Variants in PABPC5 observed in about 807,000 individuals in gnomAD.
The protein encoded by PABPC5 is polyadenylate-binding protein 5.
A neutral mutation model predicts 12.6 loss-of-function variants in PABPC5; 6 were observed. That is an observed-to-expected ratio of 0.48 (90% CI 0.26 to 0.94). The LOEUF (loss-of-function observed/expected upper bound fraction) is 0.94, where lower values mean the gene tolerates loss of function less well. Ranked by LOEUF, PABPC5 falls within the 40% of genes least tolerant of loss-of-function variation. The pLI, the probability that PABPC5 is intolerant of heterozygous loss-of-function variation, is 0.14. For synonymous variants in PABPC5, 124 were observed against 118.4 expected (o/e 1.05, Z -0.31); for missense variants, 244 against 302.8 (o/e 0.81, Z 1.44).
intron 1 of PABPC5, among the ~76,000 whole-genome samples, 173 bp from the exon 2 acceptor site, chrX:91,435,262 G>A (rs1456765255): frequency 8.9e-6 from 1 of 111,874 alleles, no homozygotes; most frequent in African/African-American, 3.3e-5. Context: ...ACAATTTCAC[G>A]GGGACAGGAA....
At position 91,435,909 on chromosome X, in the gene PABPC5, A is replaced by G; in HGVS notation, c.332A>G (p.Lys111Arg). Residue 111 changes from lysine (K) to arginine (R), a missense_variant, in exon 2 of 2, where the codon AAA (lysine) becomes AGA (arginine). Physicochemically the swap from Lys to Arg is conservative, Grantham distance 26 (BLOSUM62 2). Around this residue, in one of 3 missense-constraint regions of PABPC5, gnomAD observed 211 missense variants for 261.5 expected, o/e 0.81. Transcript: ENST00000312600. Reference protein sequence around the residue: ...RKSGVGNIFIKNLDKSIDNRA... With the variant: ...RKSGVGNIFIRNLDKSIDNRA... ...TCTGGAGTGGGAAATATATTCATCA[A>G]AAACCTGGACAAATCCATAGACAAT... The G allele has an allele frequency of 8.3e-7, 1 of 1,211,798 alleles. No homozygotes were observed. The highest frequency in any genetic ancestry group is 1.7e-5 in the African/African-American group (1 of 57,914).
rs748424071 is a variant in PABPC5, at chrX:91,436,742, G to C, written c.*16G>C. 1 of 1,186,863 alleles carries C rather than the reference G, an allele frequency of 8.4e-7. No homozygotes were observed. Among genetic ancestry groups the C allele is most frequent in the South Asian group, 1.9e-5 (1 of 53,154 alleles). On this transcript the variant is annotated 3_prime_UTR_variant, in exon 2 of 2. Coordinates refer to ENST00000312600, the MANE Select transcript of PABPC5 (RefSeq NM_080832.3). ...CAGGTGCTGAGAATAAGAATGCTCA[G>C]TTTGTTTCAGCCTTAGTTGGTGCCT...
Position 91,436,235 on chromosome X carries a change from T to C in PABPC5, c.658T>C (p.Cys220Arg). The C allele has an allele frequency of 8.3e-7, 1 of 1,211,687 alleles. No individual in the cohort carries two copies. Among genetic ancestry groups the C allele is most frequent in the Non-Finnish European group, 1.1e-6 (1 of 895,484 alleles). ...TGACGAAAAACTGAAGGAACTTTTC[T>C]GTGAATATGGGCCAACTGAGAGTGT... ...IDDEKLKELF[C>R]EYGPTESVKV... The change falls in exon 2 of 2, where the codon TGT becomes CGT. Residue 220 changes from cysteine to arginine, a missense_variant. Cys to Arg is a radical substitution (Grantham distance 180). Around this residue, in one of 3 missense-constraint regions of PABPC5, gnomAD observed 211 missense variants for 261.5 expected, o/e 0.81. Coordinates refer to ENST00000312600, the MANE Select transcript of PABPC5 (RefSeq NM_080832.3).
Position 91,436,844 on chromosome X carries a change from GA to G in PABPC5, c.*127del, listed in dbSNP as rs372478379. On this transcript the variant is annotated 3_prime_UTR_variant, in exon 2 of 2. Coordinates refer to ENST00000312600, the MANE Select transcript of PABPC5 (RefSeq NM_080832.3). ...GTTTTTTTTTGAAGTGAATTCTTTT[GA>G]AAAAAAAATGCAAAACTAGAAAACT... 2,212 of 629,084 alleles carry G rather than the reference GA, an allele frequency of 3.5e-3. 35 individuals carry two copies. In the African/African-American group the frequency reaches 0.044, roughly 12 times the overall value. The allele number at this position is 629,084 out of a possible 1,213,427, so 51.8% of individuals were successfully genotyped here.
chrX:91,436,952 C>A lies in PABPC5; in HGVS notation c.*226C>A, dbSNP rs1931613865. 1 of 372,109 alleles carries A rather than the reference C, an allele frequency of 2.7e-6. No individual in the cohort carries two copies. Among genetic ancestry groups the A allele is most frequent in the African/African-American group, 2.6e-5 (1 of 38,359 alleles). The allele number at this position is 372,109 out of a possible 1,213,427, so 30.7% of individuals were successfully genotyped here. A position where few individuals can be genotyped will look rare whatever the true frequency, so the allele number is the denominator to read the frequency against. On this transcript the variant is annotated 3_prime_UTR_variant, in exon 2 of 2. Transcript: ENST00000312600. The stretch of plus-strand genomic sequence containing the variant: ...TTTTTGATGTAATATCCTTAGAAAT[C>A]TGTAGAATAAAGTGTATTCCTCCAC...
At position 91,436,253 on chromosome X, in the gene PABPC5, G is replaced by A. The variant is rs1931600717; in HGVS notation, c.676G>A (p.Glu226Lys). 8.3e-7 allele frequency: 1 copy of A among 1,211,679 alleles called. No individual in the cohort carries two copies. Among genetic ancestry groups the A allele is most frequent in the South Asian group, 1.8e-5 (1 of 56,990 alleles). Residue 226 changes from glutamate (E) to lysine (K), a missense_variant, in exon 2 of 2, where the codon GAG becomes AAG. Physicochemically the swap from Glu to Lys is moderately conservative, Grantham distance 56. Transcript: ENST00000312600. Reference sequence around the variant, plus strand: ...ACTTTTCTGTGAATATGGGCCAACTGAGAGTGTTAAAGTAATAAGAGATGC... The same window carrying A: ...ACTTTTCTGTGAATATGGGCCAACTAAGAGTGTTAAAGTAATAAGAGATGC... ...KELFCEYGPT[E>K]SVKVIRDASG... is the part of the protein sequence containing the mutation.
rs1218689352 is a variant in PABPC5 at position 91,435,591 on chromosome X, A to C, written c.14A>C (p.Glu5Ala). The change falls in exon 2 of 2, where the codon GAG (glutamate) becomes GCG (alanine). Residue 5 changes from glutamate (E) to alanine (A), a missense_variant. Around this residue, in one of 3 missense-constraint regions of PABPC5, gnomAD observed 29 missense variants for 20.5 expected, o/e 1.41. Transcript: ENST00000312600. ...GTGCTCAGAGAGATGGGGAGCGGGG[A>C]GCCTAATCCTGCTGGCAAGAAAAAG... MGSG[E>A]PNPAGKKKKY... is the part of the protein sequence containing the mutation. 8.3e-7 allele frequency: 1 copy of C among 1,202,042 alleles called. No individual in the cohort carries two copies. Among genetic ancestry groups the C allele is most frequent in the Admixed American group, 2.2e-5 (1 of 45,093 alleles).
intron 1 of PABPC5, 175 bp downstream of exon 1, chrX:91,435,069 A>T (rs1488442959): frequency 8.8e-6 from 1 of 113,744 alleles, no homozygotes; most frequent in East Asian, 2.8e-4. Flanking sequence ...CCTTAGCGAA[A>T]GGCTAGCCAG....
chrX:91,435,497 G>A lies in PABPC5; in HGVS notation c.-81G>A, dbSNP rs1931581974. On this transcript the variant is annotated 5_prime_UTR_variant, in exon 2 of 2. The change creates a new upstream start codon in the 5' untranslated region. Coordinates refer to ENST00000312600, the MANE Select transcript of PABPC5 (RefSeq NM_080832.3). Reference sequence around the variant, plus strand: ...TTGCCTGCCTTGGCTTTTTCTGTTCGTGAACAGCTGTTTGGCCCATAGCTT... The same window carrying A: ...TTGCCTGCCTTGGCTTTTTCTGTTCATGAACAGCTGTTTGGCCCATAGCTT... The A allele has an allele frequency of 1.0e-6, 1 of 964,213 alleles. No individual in the cohort carries two copies. Among genetic ancestry groups the A allele is most frequent in the Non-Finnish European group, 1.4e-6 (1 of 712,153 alleles). The allele number at this position is 964,213 out of a possible 1,213,427, so 79.5% of individuals were successfully genotyped here. A position where few individuals can be genotyped will look rare whatever the true frequency, so the allele number is the denominator to read the frequency against.
chrX:91,434,962 C>G (rs1321555424), intron 1 of PABPC5, 68 bp downstream of exon 1: 2 of 111,963 alleles, frequency 1.8e-5, no homozygotes, highest in Non-Finnish European at 3.8e-5. Flanking sequence ...GTCTGTCTGT[C>G]TGTCTCTGTG....
At position 91,437,906 on chromosome X, in the gene PABPC5, C is replaced by G. The variant is rs1931628778; in HGVS notation, c.*1180C>G. 1 of 120,530 alleles carries G rather than the reference C, an allele frequency of 8.3e-6. No individual in the cohort carries two copies. Among genetic ancestry groups the G allele is most frequent in the Non-Finnish European group, 1.9e-5 (1 of 52,500 alleles). The allele number at this position is 120,530 out of a possible 1,213,427, so 9.9% of individuals were successfully genotyped here. On this transcript the variant is annotated 3_prime_UTR_variant, in exon 2 of 2. Transcript: ENST00000312600. Reference sequence around the variant, plus strand: ...CGTTACATTTATTAGCCTGTAATTTCTAAATTGGAGATTCTCTACATTTCA... The same window carrying G: ...CGTTACATTTATTAGCCTGTAATTTGTAAATTGGAGATTCTCTACATTTCA...
At position 91,434,909 on chromosome X, in the gene PABPC5, G is replaced by C. The variant is rs973157096; in HGVS notation, c.-144+15G>C. The C allele has an allele frequency of 9.0e-6, 1 of 111,550 alleles. No homozygotes were observed. 9.2% of individuals were successfully genotyped at this position (111,550 alleles called of 1,213,427 possible). ...CGCCTCACTCGGTCCGTACCCAGTG[G>C]GCATCTTGGGTATCTGGGCGGTCTT... On this transcript the variant is annotated intron_variant, in intron 1 of 1. Coordinates refer to ENST00000312600, the MANE Select transcript of PABPC5 (RefSeq NM_080832.3).
rs1033004971 is a variant in PABPC5 at position 91,437,245 on chromosome X, T to C, written c.*519T>C. 3.2e-5 allele frequency: 4 copies of C among 124,015 alleles called. No homozygotes were observed. Among genetic ancestry groups the C allele is most frequent in the African/African-American group, 1.3e-4 (4 of 30,965 alleles). The allele number at this position is 124,015 out of a possible 1,213,427, so 10.2% of individuals were successfully genotyped here. A position where few individuals can be genotyped will look rare whatever the true frequency, so the allele number is the denominator to read the frequency against. On this transcript the variant is annotated 3_prime_UTR_variant, in exon 2 of 2. Transcript: ENST00000312600. ...TGAAATGTATTTTATTTTCTTTATT[T>C]GTATTCTTGTTTCATTTTTTAATAT...
chrX:91,435,807 A>G lies in PABPC5; in HGVS notation c.230A>G (p.Asn77Ser). ...RFPADAEWALNTMNFDLINGK... is the reference protein window; with the variant it reads ...RFPADAEWALSTMNFDLINGK... ...CCCGCGGATGCAGAGTGGGCCTTGA[A>G]CACCATGAATTTTGATTTGATTAAT... Residue 77 changes from asparagine (N) to serine (S), a missense_variant, in exon 2 of 2, where the codon AAC (asparagine) becomes AGC (serine). Physicochemically the swap from Asn to Ser is conservative, Grantham distance 46 (BLOSUM62 1). Around this residue, in one of 3 missense-constraint regions of PABPC5, gnomAD observed 211 missense variants for 261.5 expected, o/e 0.81. Transcript: ENST00000312600. The G allele has an allele frequency of 2.5e-6, 3 of 1,211,681 alleles. No homozygotes were observed. The highest frequency in any genetic ancestry group is 2.2e-6 in the Non-Finnish European group (2 of 895,439).
Position 91,435,470 on chromosome X carries a change from T to C in PABPC5, c.-108T>C. The C allele has an allele frequency of 1.3e-6, 1 of 771,848 alleles. No individual in the cohort carries two copies. Among genetic ancestry groups the C allele is most frequent in the Non-Finnish European group, 1.8e-6 (1 of 546,829 alleles). 63.6% of individuals were successfully genotyped at this position (771,848 alleles called of 1,213,427 possible). A position where few individuals can be genotyped will look rare whatever the true frequency, so the allele number is the denominator to read the frequency against. ...GATTCTGAGTCTGCTTTTAGCTTCC[T>C]TTTGCCTGCCTTGGCTTTTTCTGTT... On this transcript the variant is annotated 5_prime_UTR_variant, in exon 2 of 2. Coordinates refer to ENST00000312600, the MANE Select transcript of PABPC5 (RefSeq NM_080832.3).
Position 91,435,504 on chromosome X carries a change from G to A in PABPC5, c.-74G>A. 1.0e-6 allele frequency: 1 copy of A among 998,201 alleles called. No homozygotes were observed. 82.3% of individuals were successfully genotyped at this position (998,201 alleles called of 1,213,427 possible). ...CCTTGGCTTTTTCTGTTCGTGAACA[G>A]CTGTTTGGCCCATAGCTTAGAGAAA... On this transcript the variant is annotated 5_prime_UTR_variant, in exon 2 of 2. Transcript: ENST00000312600.
At position 91,436,494 on chromosome X, in the gene PABPC5, T is replaced by G; in HGVS notation, c.917T>G (p.Ile306Ser). Reference protein sequence around the residue: ...KSRPPGVPIYIKNLDETINDE... With the variant: ...KSRPPGVPIYSKNLDETINDE... ...CGGCCCCCAGGGGTGCCTATCTATA[T>G]TAAGAACTTGGATGAGACAATCAAT... The change falls in exon 2 of 2, where the codon ATT becomes AGT. Residue 306 changes from isoleucine (I) to serine (S), a missense_variant. Around this residue, in one of 3 missense-constraint regions of PABPC5, gnomAD observed 211 missense variants for 261.5 expected, o/e 0.81. Transcript: ENST00000312600. 1 of 1,212,048 alleles carries G rather than the reference T, an allele frequency of 8.3e-7. No homozygotes were observed. Among genetic ancestry groups the G allele is most frequent in the Non-Finnish European group, 1.1e-6 (1 of 895,591 alleles).
In PABPC5 at chrX:91,434,853, T is replaced by A. The variant is rs1931567779; in HGVS notation, c.-185T>A. ...GTTTGCCAGTCAGTCTCTCCGGACC[T>A]GCCTCGAGCCTCAGGCTGCTGAAAT... On this transcript the variant is annotated 5_prime_UTR_variant, in exon 1 of 2. Transcript: ENST00000312600. The A allele has an allele frequency of 1.8e-5, 2 of 111,806 alleles. No homozygotes were observed. The highest frequency in any genetic ancestry group is 1.9e-4 in the Admixed American group (2 of 10,484). 9.2% of individuals were successfully genotyped at this position (111,806 alleles called of 1,213,427 possible).
chrX:91,435,797 TG>T lies in PABPC5; in HGVS notation c.223del (p.Ala75ProfsTer2), dbSNP rs2147705059. On this transcript the variant is annotated frameshift_variant, in exon 2 of 2. Coordinates refer to ENST00000312600, the MANE Select transcript of PABPC5 (RefSeq NM_080832.3). LOFTEE classifies it high-confidence loss of function. The part of the protein sequence containing the change: ...VNFRFPADAE[W>X]ALNTMNFDLI... Reference sequence around the variant, plus strand: ...CTTCCGCTTTCCCGCGGATGCAGAGTGGGCCTTGAACACCATGAATTTTGAT... The same window carrying T: ...CTTCCGCTTTCCCGCGGATGCAGAGTGGCCTTGAACACCATGAATTTTGAT... The T allele has an allele frequency of 8.3e-7, 1 of 1,209,527 alleles. No homozygotes were observed. Among genetic ancestry groups the T allele is most frequent in the African/African-American group, 1.8e-5 (1 of 57,093 alleles).
Sources: gnomAD v4.1 joint callset for allele counts (sites outside exome capture counted in the v4.1 genomes callset) on GRCh38, gnomAD v4.1.1 for gene constraint, gnomAD v4.1.1 regional missense constraint, MANE v1.5 for transcripts, NCBI Gene and HGNC (gene_info 2026-07-23, HGNC 2026-07-21) for gene names.